CD58: variants seen among roughly 807,000 people sequenced by gnomAD.
The protein encoded by CD58 is CD58 molecule.
Under a neutral mutation model 27.6 loss-of-function variants are expected in CD58, and 14 were observed. The ratio of observed to expected loss-of-function variants is 0.51; its 90% CI spans 0.34 to 0.79. The LOEUF is 0.79. Ranked by LOEUF, CD58 falls within the 30% of genes least tolerant of loss-of-function variation. The pLI, the probability that CD58 is intolerant of heterozygous loss-of-function variation, is 0.02. For synonymous variants in CD58, 117 were observed against 103.8 expected, an observed-to-expected ratio of 1.13 and a Z score of -0.77; for missense variants, 268 against 301.7, an observed-to-expected ratio of 0.89 and a Z score of 0.83.
In CD58 at chr1:116,519,435, C is replaced by G. The variant is rs1657196013; in HGVS notation, c.707-168G>C. On this transcript the variant is annotated intron_variant, in intron 4 of 5. Coordinates refer to ENST00000369489, the MANE Select transcript of CD58 (RefSeq NM_001779.3). The surrounding 1 kb of genome is among the most constrained non-coding windows in gnomAD (Gnocchi z 4.7). ...GCTTTAAATCAAATCGGCTACAGAGCTGGTCCAAAGAGTTGTTCAAAAATT... is the reference window on the plus strand; with the variant it reads ...GCTTTAAATCAAATCGGCTACAGAGGTGGTCCAAAGAGTTGTTCAAAAATT... The G allele has an allele frequency of 5.9e-6, 4 of 683,382 alleles. No homozygotes were observed. Among genetic ancestry groups the G allele is most frequent in the African/African-American group, 1.8e-5 (1 of 55,698 alleles). 42.3% of individuals were successfully genotyped at this position (683,382 alleles called of 1,614,324 possible). A position where few individuals can be genotyped will look rare whatever the true frequency, so the allele number is the denominator to read the frequency against.
intron 1 of CD58, among the ~76,000 whole-genome samples, chr1:116,547,066 GTT>G (rs61478445): frequency 5.1e-5 from 7 of 137,218 alleles, no homozygotes; most frequent in African/African-American, 5.4e-5. Flanking sequence ...ACATGGATAA[GTT>G]TTTTTTTTTT....
chr1:116,555,177 G>T (rs545831718), intron 1 of CD58, among the ~76,000 whole-genome samples: 1 of 152,166 alleles, frequency 6.6e-6, no homozygotes, highest in African/African-American at 2.4e-5. Context: ...AACAGAGAGT[G>T]CCCAGATTTT....
At position 116,536,093 on chromosome 1, in the gene CD58, T is replaced by C. The variant is rs751569688; in HGVS notation, c.500A>G (p.Lys167Arg). 2 of 1,613,966 alleles carry C rather than the reference T, an allele frequency of 1.2e-6. No homozygotes were observed. Among genetic ancestry groups the C allele is most frequent in the Admixed American group, 3.3e-5 (2 of 60,004 alleles). The change falls in exon 3 of 6, where the codon AAA (lysine) becomes AGA (arginine). Residue 167 changes from lysine to arginine, a missense_variant. Coordinates refer to ENST00000369489, the MANE Select transcript of CD58 (RefSeq NM_001779.3). This position sits in a 1 kb window ranked among gnomAD's most constrained non-coding sequence, Gnocchi z 5.4. ...AAAATATATACTGGTTGAGTTACGT[T>C]TACATTGCTCCATAGGACAATCCCA... ...YSWDCPMEQCKRNSTSIYFKM... is the reference protein window; with the variant it reads ...YSWDCPMEQCRRNSTSIYFKM...
At position 116,570,839 on chromosome 1, in the gene CD58, C is replaced by G; in HGVS notation, c.70+64G>C. On this transcript the variant is annotated intron_variant, in intron 1 of 5. Coordinates refer to ENST00000369489, the MANE Select transcript of CD58 (RefSeq NM_001779.3). The surrounding 1 kb of genome is among the most constrained non-coding windows in gnomAD (Gnocchi z 6.4). ...ACCGCCTCGAGCCCGGCGCGTCCAC[C>G]CAGCCTGGGTGCTGCCCAGTACCCG... The G allele has an allele frequency of 7.3e-6, 10 of 1,366,370 alleles. No individual in the cohort carries two copies. The highest frequency in any genetic ancestry group is 2.2e-5 in the Admixed American group (1 of 44,628). The allele number at this position is 1,366,370 out of a possible 1,614,324, so 84.6% of individuals were successfully genotyped here.
rs1221012914 is a variant in CD58, at chr1:116,522,378, T to C, written c.629-395A>G. Among the ~76,000 whole-genome samples the C allele has an allele frequency of 6.6e-6, 1 of 152,214 alleles. No individual in the cohort carries two copies. The highest frequency in any genetic ancestry group is 2.4e-5 in the African/African-American group (1 of 41,456). ...TCCTAAGTGCAAGAAGGCTGCGATGTGCCTTGCAGAGAAAATAGGTGTATT... is the reference window on the plus strand; with the variant it reads ...TCCTAAGTGCAAGAAGGCTGCGATGCGCCTTGCAGAGAAAATAGGTGTATT... On this transcript the variant is annotated intron_variant, in intron 3 of 5. Coordinates refer to ENST00000369489, the MANE Select transcript of CD58 (RefSeq NM_001779.3). The surrounding 1 kb of genome is among the most constrained non-coding windows in gnomAD (Gnocchi z 4.6).
rs1657478689 is a variant in CD58 at position 116,527,906 on chromosome 1, A to G, written c.629-5923T>C. On this transcript the variant is annotated intron_variant, in intron 3 of 5. Transcript: ENST00000369489. This position sits in a 1 kb window ranked among gnomAD's most constrained non-coding sequence, Gnocchi z 4.4. ...GTCTCCCAAGTAGCTAGGACTACAG[A>G]CACATGCCACAACACCTCAGTAACT... 1.3e-5 allele frequency among the ~76,000 whole-genome samples: 2 copies of G among 152,170 alleles called. No homozygotes were observed. Among genetic ancestry groups the G allele is most frequent in the Non-Finnish European group, 2.9e-5 (2 of 68,022 alleles).
At chr1:116,545,942 C>T (rs1335459797) in intron 1 of CD58, among the ~76,000 whole-genome samples, 1 of 152,246 alleles carries the variant, frequency 6.6e-6, no homozygotes, top group East Asian at 1.9e-4. Context: ...TTTGGGAGGC[C>T]AAGGTGGTTG....
intron 3 of CD58, among the ~76,000 whole-genome samples, chr1:116,530,200 C>T (rs915801489): frequency 1.3e-5 from 2 of 148,596 alleles, no homozygotes; most frequent in Admixed American, 1.4e-4. Flanking sequence ...TTGACCCTGT[C>T]TCCTCATTCT....
chr1:116,534,816 A>G lies in CD58; in HGVS notation c.628+1149T>C, dbSNP rs1247695280. Among the ~76,000 whole-genome samples, 1 of 152,232 alleles carries G rather than the reference A, an allele frequency of 6.6e-6. No homozygotes were observed. The highest frequency in any genetic ancestry group is 2.4e-5 in the African/African-American group (1 of 41,470). ...ATAAATGGGAGACTTAGAATGGCTCACCAGTTAAAATCCAAGTTTCATATA... is the reference window on the plus strand; with the variant it reads ...ATAAATGGGAGACTTAGAATGGCTCGCCAGTTAAAATCCAAGTTTCATATA... On this transcript the variant is annotated intron_variant, in intron 3 of 5. Coordinates refer to ENST00000369489, the MANE Select transcript of CD58 (RefSeq NM_001779.3). This position sits in a 1 kb window ranked among gnomAD's most constrained non-coding sequence, Gnocchi z 5.3.
At position 116,515,611 on chromosome 1, in the gene CD58, G is replaced by A. The variant is rs549374079; in HGVS notation, c.744-789C>T. On this transcript the variant is annotated intron_variant, in intron 5 of 5. Coordinates refer to ENST00000369489, the MANE Select transcript of CD58 (RefSeq NM_001779.3). The surrounding 1 kb of genome is among the most constrained non-coding windows in gnomAD (Gnocchi z 4.6). ...ATTCTTGTTGGGGCAGCTTTTTGCCGGTCTCTGCTTCCCTGCCCTCTCCCA... is the reference window on the plus strand; with the variant it reads ...ATTCTTGTTGGGGCAGCTTTTTGCCAGTCTCTGCTTCCCTGCCCTCTCCCA... 3.3e-5 allele frequency among the ~76,000 whole-genome samples: 5 copies of A among 152,108 alleles called. No individual in the cohort carries two copies. In the East Asian group the frequency reaches 7.7e-4, roughly 23 times the overall value.
At chr1:116,544,175 A>G in intron 2 of CD58, 136 bp downstream of exon 2, 1 of 630,484 alleles carries the variant, frequency 1.6e-6, no homozygotes, top group Non-Finnish European at 2.7e-6. Flanking sequence ...CCTCTATACC[A>G]GAAAAGGAGA....
rs1657343799 is a variant in CD58 at position 116,523,826 on chromosome 1, A to G, written c.629-1843T>C. On this transcript the variant is annotated intron_variant, in intron 3 of 5. Coordinates refer to ENST00000369489, the MANE Select transcript of CD58 (RefSeq NM_001779.3). This position sits in a 1 kb window ranked among gnomAD's most constrained non-coding sequence, Gnocchi z 4.4. ...GGTTACTCTGAGGTTCAATTTATAT[A>G]GGAAAAGCAGCATTTGATTCTTCTC... 6.6e-6 allele frequency among the ~76,000 whole-genome samples: 1 copy of G among 152,242 alleles called. No homozygotes were observed. The highest frequency in any genetic ancestry group is 2.1e-4 in the South Asian group (1 of 4,832).
At position 116,532,773 on chromosome 1, in the gene CD58, A is replaced by G. The variant is rs1427427208; in HGVS notation, c.628+3192T>C. Among the ~76,000 whole-genome samples, 1 of 152,266 alleles carries G rather than the reference A, an allele frequency of 6.6e-6. No homozygotes were observed. Among genetic ancestry groups the G allele is most frequent in the Non-Finnish European group, 1.5e-5 (1 of 68,044 alleles). Reference sequence around the variant, plus strand: ...TGCCACTGTACACATTAAGCAAAATAATAAGGAAAAAGGAAAAGTGAAAGT... The same window carrying G: ...TGCCACTGTACACATTAAGCAAAATGATAAGGAAAAAGGAAAAGTGAAAGT... On this transcript the variant is annotated intron_variant, in intron 3 of 5. Transcript: ENST00000369489. The surrounding 1 kb of genome is among the most constrained non-coding windows in gnomAD (Gnocchi z 5.1).
chr1:116,520,258 T>C (rs1657224619), intron 4 of CD58, among the ~76,000 whole-genome samples: 1 of 152,070 alleles, frequency 6.6e-6, no homozygotes, highest in African/African-American at 2.4e-5. Flanking sequence ...ACTACAGGCA[T>C]GCACCACCAT....
At position 116,527,673 on chromosome 1, in the gene CD58, T is replaced by G. The variant is rs1657471700; in HGVS notation, c.629-5690A>C. Among the ~76,000 whole-genome samples, 1 of 152,254 alleles carries G rather than the reference T, an allele frequency of 6.6e-6. No individual in the cohort carries two copies. On this transcript the variant is annotated intron_variant, in intron 3 of 5. Coordinates refer to ENST00000369489, the MANE Select transcript of CD58 (RefSeq NM_001779.3). The surrounding 1 kb of genome is among the most constrained non-coding windows in gnomAD (Gnocchi z 4.4). ...TTGTTCTTTGGTTTTAGCACAAGAA[T>G]AATGCTGGCCTCATAAAATGAATTG...
At chr1:116,567,177 A>AGAAGGGAAGGGAAGGGAAGG (rs536890121) in intron 1 of CD58, among the ~76,000 whole-genome samples, 5 of 118,508 alleles carry the variant, frequency 4.2e-5, no homozygotes, top group Admixed American at 2.6e-4. Flanking sequence ...AAAGAAGGAA[A>AGAAGGGAAGGGAAGGGAAGG]GAAGGGAAGG....
intron 5 of CD58, chr1:116,518,902 C>A: frequency 9.3e-7 from 1 of 1,074,878 alleles, no homozygotes; most frequent in Non-Finnish European, 1.2e-6. Context: ...ATTTAAATCC[C>A]AGCCCATCAC....
intron 3 of CD58, among the ~76,000 whole-genome samples, chr1:116,530,500 C>T (rs970342870): frequency 1.1e-4 from 17 of 152,082 alleles, no homozygotes; most frequent in South Asian, 2.1e-4. Context: ...CCACCGCACC[C>T]GGCTACCTGT....
At chr1:116,562,396 G>T (rs1658784782) in intron 1 of CD58, among the ~76,000 whole-genome samples, 1 of 152,060 alleles carries the variant, frequency 6.6e-6, no homozygotes, top group East Asian at 1.9e-4. Flanking sequence ...ATGGCTCACT[G>T]CAGCCTCAAA....
Sources: gnomAD v4.1 joint callset for allele counts (sites outside exome capture counted in the v4.1 genomes callset) on GRCh38, gnomAD v4.1.1 for gene constraint, Gnocchi (gnomAD v3.1) non-coding constraint, MANE v1.5 for transcripts, NCBI Gene and HGNC (gene_info 2026-07-23, HGNC 2026-07-21) for gene names.